Variants in POU2F3 observed in about 807,000 individuals in gnomAD.
The protein encoded by POU2F3 is POU class 2 homeobox 3.
Under a neutral mutation model 59.2 loss-of-function variants are expected in POU2F3, and 23 were observed. The observed-to-expected ratio is 0.39, with a 90% CI of 0.28 to 0.55. POU2F3 has a LOEUF of 0.55. Ranked by LOEUF, POU2F3 falls within the 20% of genes least tolerant of loss-of-function variation. The probability of loss-of-function intolerance (pLI) is 0.66; values close to 1 mark genes in which losing one functional copy is unlikely to be tolerated. For synonymous variants in POU2F3, 190 were observed against 214.6 expected (o/e 0.89, Z 1.00); for missense variants, 473 against 544.5 (o/e 0.87, Z 1.31).
rs767152950 is a variant in POU2F3 at position 120,315,459 on chromosome 11, C to T, written c.1135+32C>T. On this transcript the variant is annotated intron_variant, in intron 11 of 12. Coordinates refer to ENST00000543440, the MANE Select transcript of POU2F3 (RefSeq NM_014352.4). The stretch of plus-strand genomic sequence containing the variant: ...TTTAAAATGAGATTTCTGAAGAACA[C>T]CAGAATTCTTTTAAAAAATGGGATA... The T allele has an allele frequency of 1.9e-6, 3 of 1,580,630 alleles. 1 individual carries two copies. The East Asian group carries it at 6.7e-5, about 35-fold the overall frequency.
intron 3 of POU2F3, among the ~76,000 whole-genome samples, chr11:120,275,610 G>A (rs1383430283): frequency 6.6e-6 from 1 of 152,170 alleles, no homozygotes; most frequent in Non-Finnish European, 1.5e-5. Flanking sequence ...GTTGAGCATT[G>A]TGTTGCTTGA....
At chr11:120,243,042 G>A (rs1169522032) in intron 1 of POU2F3, among the ~76,000 whole-genome samples, 2 of 152,174 alleles carry the variant, frequency 1.3e-5, no homozygotes, top group Admixed American at 6.5e-5. Flanking sequence ...GGGAAAGGGG[G>A]GCTGAGTCTC....
chr11:120,297,600 G>T (rs1941225562), intron 3 of POU2F3, among the ~76,000 whole-genome samples: 2 of 152,166 alleles, frequency 1.3e-5, no homozygotes, highest in Non-Finnish European at 1.5e-5. Flanking sequence ...TTCCATTGAG[G>T]AAAATAAAAC....
intron 3 of POU2F3, among the ~76,000 whole-genome samples, chr11:120,297,472 G>A (rs1352500131): frequency 6.6e-6 from 1 of 152,258 alleles, no homozygotes; most frequent in African/African-American, 2.4e-5. Flanking sequence ...CCACACAGGT[G>A]AAGAGGGCCA....
intron 3 of POU2F3, among the ~76,000 whole-genome samples, chr11:120,274,728 A>G (rs1277667579): frequency 6.6e-6 from 1 of 152,182 alleles, no homozygotes; most frequent in Non-Finnish European, 1.5e-5. Context: ...ATCATATTAC[A>G]TGGAGTGATG....
chr11:120,274,115 GGA>G lies in POU2F3; in HGVS notation c.132+4872_132+4873del, dbSNP rs1491210368. On this transcript the variant is annotated intron_variant, in intron 3 of 12. Transcript: ENST00000543440. ...AGGAAGGAAGGAAGGAAGAAAGGAA[GGA>G]AGGAAGGAAGGAAGGAAGGAAGGAA... 3.9e-4 allele frequency among the ~76,000 whole-genome samples: 41 copies of G among 104,044 alleles called. No homozygotes were observed. The East Asian group carries it at 0.011, about 28-fold the overall frequency. The allele number at this position is 104,044 out of a possible 152,430, so 68.3% of individuals were successfully genotyped here.
intron 3 of POU2F3, among the ~76,000 whole-genome samples, chr11:120,276,573 G>C (rs781355424): frequency 2.0e-5 from 3 of 152,074 alleles, no homozygotes; most frequent in African/African-American, 7.2e-5. Flanking sequence ...GGTGGGGCAG[G>C]GCAGGGCGGG....
intron 1 of POU2F3, among the ~76,000 whole-genome samples, chr11:120,241,717 G>T (rs1938670208): frequency 6.6e-6 from 1 of 152,172 alleles, no homozygotes; most frequent in African/African-American, 2.4e-5. Flanking sequence ...CTTAGCAGTG[G>T]ATGGGAAGTT....
At chr11:120,254,946 A>G (rs944585140) in intron 2 of POU2F3, 2 of 152,254 alleles carry the variant, frequency 1.3e-5, no homozygotes, top group African/African-American at 4.8e-5. Context: ...AGCTGCAGGC[A>G]TCTCCCAAAA....
intron 1 of POU2F3, among the ~76,000 whole-genome samples, chr11:120,241,624 ATCCC>A (rs1312088398): frequency 1.3e-5 from 2 of 152,196 alleles, no homozygotes; most frequent in Non-Finnish European, 2.9e-5. Flanking sequence ...CCTGGGGCAG[ATCCC>A]CGGGTAGGTG....
chr11:120,239,544 T>G (rs1450413563), upstream of POU2F3, among the ~76,000 whole-genome samples: 1 of 152,144 alleles, frequency 6.6e-6, no homozygotes, highest in Non-Finnish European at 1.5e-5. Flanking sequence ...AGCAGTTGTG[T>G]GCACCTGGAA....
chr11:120,290,967 CT>C (rs1446214380), intron 3 of POU2F3, among the ~76,000 whole-genome samples: 1 of 152,228 alleles, frequency 6.6e-6, no homozygotes, highest in Non-Finnish European at 1.5e-5. Context: ...CTCTTTACCT[CT>C]TCTCCTCCTA....
chr11:120,240,059 A>C, upstream of POU2F3: 5 of 1,085,328 alleles, frequency 4.6e-6, no homozygotes, highest in Non-Finnish European at 5.6e-6. Context: ...ACTGCTTTGC[A>C]TGGGCCTGGG....
At chr11:120,282,364 A>C (rs1940604008) in intron 3 of POU2F3, among the ~76,000 whole-genome samples, 1 of 152,250 alleles carries the variant, frequency 6.6e-6, no homozygotes, top group Non-Finnish European at 1.5e-5. Flanking sequence ...CTGTGTTTAA[A>C]GAAATATTAG....
chr11:120,284,744 T>G (rs933005243), intron 3 of POU2F3, among the ~76,000 whole-genome samples: 1 of 152,202 alleles, frequency 6.6e-6, no homozygotes, highest in African/African-American at 2.4e-5. Context: ...TGTAACATTA[T>G]TTTTCATAAA....
intron 10 of POU2F3, among the ~76,000 whole-genome samples, 188 bp from the exon 11 acceptor site, chr11:120,315,173 G>T (rs1441623756): frequency 1.3e-5 from 2 of 152,230 alleles, no homozygotes; most frequent in Non-Finnish European, 2.9e-5. Context: ...GACTGGACCT[G>T]GTTCTGGATG....
chr11:120,283,988 G>A (rs1252312788), intron 3 of POU2F3, among the ~76,000 whole-genome samples: 1 of 152,016 alleles, frequency 6.6e-6, no homozygotes, highest in African/African-American at 2.4e-5. Context: ...GACCAGCCTG[G>A]CCAACATGGT....
chr11:120,276,098 G>C (rs1940306452), intron 3 of POU2F3, among the ~76,000 whole-genome samples: 1 of 152,168 alleles, frequency 6.6e-6, no homozygotes, highest in Admixed American at 6.5e-5. Flanking sequence ...CCCTGGAGTT[G>C]GCAACGGAGG....
chr11:120,258,205 C>A (rs932662437), intron 2 of POU2F3, among the ~76,000 whole-genome samples: 4 of 152,162 alleles, frequency 2.6e-5, no homozygotes, highest in Admixed American at 6.5e-5. Context: ...TCGCTCTCTA[C>A]CCCTTCTCAC....
Sources: allele counts gnomAD v4.1 joint callset (sites outside exome capture counted in the v4.1 genomes callset), GRCh38; gene constraint gnomAD v4.1.1; transcripts MANE v1.5; gene names NCBI Gene and HGNC (gene_info 2026-07-23, HGNC 2026-07-21).